Variants in MAST4 observed in about 807,000 individuals in gnomAD.
The protein encoded by MAST4 is microtubule associated serine/threonine kinase family member 4.
MAST4 carries 89 observed loss-of-function variants against 162.7 expected under a neutral mutation model. The observed-to-expected ratio is 0.55, with a 90% CI of 0.46 to 0.65. MAST4 has a LOEUF of 0.65. MAST4 is among the 30% of genes least tolerant of loss of function. MAST4 has a pLI of 0.00. For missense variants in MAST4, 3,153 were observed against 3,374.0 expected (o/e 0.93, Z 1.62); for synonymous variants, 1,479 against 1,361.1 (o/e 1.09, Z -1.91).
chr5:67,101,706 A>G (rs1210588060), intron 8 of MAST4, among the ~76,000 whole-genome samples: 4 of 152,260 alleles, frequency 2.6e-5, no homozygotes, highest in East Asian at 1.9e-4. Flanking sequence ...AATACTAAAT[A>G]TAGCCACACT....
intron 3 of MAST4, among the ~76,000 whole-genome samples, chr5:66,844,359 T>C (rs1758659687): frequency 6.6e-6 from 1 of 152,164 alleles, no homozygotes; most frequent in South Asian, 2.1e-4. Context: ...TTGGACATAG[T>C]ATAAGAATGT....
At chr5:66,761,173 A>C (rs1753832544) in intron 2 of MAST4, among the ~76,000 whole-genome samples, 1 of 152,224 alleles carries the variant, frequency 6.6e-6, no homozygotes, top group African/African-American at 2.4e-5. Context: ...TAGATAATCT[A>C]GAACACCTTT....
rs1385464989 is a variant in MAST4 at position 66,828,764 on chromosome 5, C to T, written c.642+39970C>T. 26 of 1,562,610 alleles carry T rather than the reference C, an allele frequency of 1.7e-5. No homozygotes were observed. The East Asian group carries it at 6.2e-4, about 37-fold the overall frequency. ...ATGTAAGTGTTTAGCAGCTGCCGGG[C>T]TCTGAATTAGCGTGCTGAAGTAGAG... On this transcript the variant is annotated intron_variant, in intron 3 of 28. Coordinates refer to ENST00000403625, the MANE Select transcript of MAST4 (RefSeq NM_001164664.2).
chr5:66,884,180 A>G (rs1320796004), intron 3 of MAST4, among the ~76,000 whole-genome samples: 1 of 152,228 alleles, frequency 6.6e-6, no homozygotes, highest in Non-Finnish European at 1.5e-5. Context: ...AAAGTGTTTC[A>G]TATTAAATTT....
chr5:66,936,421 A>G (rs1190902529), intron 4 of MAST4, among the ~76,000 whole-genome samples: 5 of 152,336 alleles, frequency 3.3e-5, no homozygotes, highest in African/African-American at 1.2e-4. Context: ...AAAGCTTTTA[A>G]TCACCTGGGT....
At chr5:66,904,009 C>T in intron 4 of MAST4, among the ~76,000 whole-genome samples, 1 of 152,200 alleles carries the variant, frequency 6.6e-6, no homozygotes. Context: ...CAACCTTCTG[C>T]ATGTTGTTTG....
At chr5:66,768,740 G>A (rs1754224296) in intron 2 of MAST4, among the ~76,000 whole-genome samples, 1 of 152,106 alleles carries the variant, frequency 6.6e-6, no homozygotes, top group South Asian at 2.1e-4. Flanking sequence ...TCCATTCTTG[G>A]GTTGTGATAT....
intron 3 of MAST4, among the ~76,000 whole-genome samples, chr5:66,884,150 C>T (rs1023245465): frequency 2.0e-5 from 3 of 152,208 alleles, no homozygotes; most frequent in Non-Finnish European, 4.4e-5. Context: ...CTTTCAGAAG[C>T]ACATCCTATG....
chr5:67,079,515 G>A (rs568013152), intron 5 of MAST4, among the ~76,000 whole-genome samples: 24 of 152,064 alleles, frequency 1.6e-4, no homozygotes, highest in Admixed American at 6.6e-5. Context: ...AGGTGGGGAC[G>A]CAAAGTCTGG....
chr5:66,977,713 A>T (rs1206444247), intron 4 of MAST4, among the ~76,000 whole-genome samples: 1 of 152,180 alleles, frequency 6.6e-6, no homozygotes, highest in Non-Finnish European at 1.5e-5. Context: ...AAAGGAAAAA[A>T]GATTATATAT....
At position 66,795,183 on chromosome 5, in the gene MAST4, A is replaced by G. The variant is rs564574070; in HGVS notation, c.642+6389A>G. ...AGGAACAATTTGAATGCCCTTGAATAAATTGCTTAACCAAAGTTGTAGAAT... is the reference window on the plus strand; with the variant it reads ...AGGAACAATTTGAATGCCCTTGAATGAATTGCTTAACCAAAGTTGTAGAAT... On this transcript the variant is annotated intron_variant, in intron 3 of 28. Transcript: ENST00000403625. 1.2e-4 allele frequency among the ~76,000 whole-genome samples: 18 copies of G among 152,328 alleles called. No individual in the cohort carries two copies. In the East Asian group the frequency reaches 3.5e-3, roughly 29 times the overall value.
chr5:66,739,734 G>A (rs1170602343), intron 1 of MAST4, among the ~76,000 whole-genome samples: 2 of 152,016 alleles, frequency 1.3e-5, no homozygotes, highest in African/African-American at 4.8e-5. Context: ...ACCTATTAAG[G>A]AAGAATGGGA....
chr5:66,987,046 TTCC>T (rs1415829782), intron 4 of MAST4, among the ~76,000 whole-genome samples: 2 of 152,378 alleles, frequency 1.3e-5, no homozygotes, highest in East Asian at 3.8e-4. Context: ...AGAGCAAATC[TTCC>T]TCAATGCTTG....
At chr5:66,698,850 T>G (rs1749579207) in intron 1 of MAST4, among the ~76,000 whole-genome samples, 1 of 152,198 alleles carries the variant, frequency 6.6e-6, no homozygotes, top group East Asian at 1.9e-4. Context: ...CTGTGGCCAC[T>G]GCCTTTAAAC....
chr5:66,883,586 A>G (rs257697), intron 3 of MAST4, among the ~76,000 whole-genome samples: 126,758 of 151,710 alleles, frequency 0.84, 53,764 homozygotes, highest in Non-Finnish European at 0.91. Flanking sequence ...GCACCACCAG[A>G]CCCGGCTAAT....
Position 66,837,910 on chromosome 5 carries a change from T to A in MAST4, c.642+49116T>A, listed in dbSNP as rs796504341. On this transcript the variant is annotated intron_variant, in intron 3 of 28. Coordinates refer to ENST00000403625, the MANE Select transcript of MAST4 (RefSeq NM_001164664.2). ...TATATATATATTTTTTTTTTTTTTTTTTTTTTTAATGTGGAGGTGTTTGGA... is the reference window on the plus strand; with the variant it reads ...TATATATATATTTTTTTTTTTTTTTATTTTTTTAATGTGGAGGTGTTTGGA... Among the ~76,000 whole-genome samples the A allele has an allele frequency of 5.8e-3, 688 of 118,856 alleles. 3 individuals carry two copies. Among genetic ancestry groups the A allele is most frequent in the African/African-American group, 8.1e-3 (262 of 32,498 alleles). 78.0% of individuals were successfully genotyped at this position (118,856 alleles called of 152,430 possible). A position where few individuals can be genotyped will look rare whatever the true frequency, so the allele number is the denominator to read the frequency against.
chr5:66,733,674 G>A (rs536597542), intron 1 of MAST4, among the ~76,000 whole-genome samples: 2 of 152,216 alleles, frequency 1.3e-5, no homozygotes, highest in Admixed American at 6.5e-5. Context: ...GGGCAGGCTG[G>A]TCTCAAACTC....
At chr5:66,915,667 A>T (rs1013966535) in intron 4 of MAST4, among the ~76,000 whole-genome samples, 6 of 152,200 alleles carry the variant, frequency 3.9e-5, no homozygotes, top group African/African-American at 1.4e-4. Context: ...GTGTAACTAA[A>T]CAGTTGAGGC....
At chr5:66,856,071 G>T (rs1470371928) in intron 3 of MAST4, among the ~76,000 whole-genome samples, 1 of 152,148 alleles carries the variant, frequency 6.6e-6, no homozygotes, top group Admixed American at 6.5e-5. Context: ...CAGGTGGGAG[G>T]ACTGCTTGAG....
Sources: allele counts gnomAD v4.1 joint callset (sites outside exome capture counted in the v4.1 genomes callset), GRCh38; gene constraint gnomAD v4.1.1; transcripts MANE v1.5; gene names NCBI Gene and HGNC (gene_info 2026-07-23, HGNC 2026-07-21).